Variants in PCDHGA3 observed in about 807,000 individuals in gnomAD.
PCDHGA3 encodes protocadherin gamma subfamily A, 3, also known as protocadherin gamma-A3.
Under a neutral mutation model 58.5 loss-of-function variants are expected in PCDHGA3, and 40 were observed. The observed-to-expected ratio is 0.68, with a 90% CI of 0.53 to 0.89. The LOEUF (loss-of-function observed/expected upper bound fraction) is 0.89. Ranked by LOEUF, PCDHGA3 falls within the 40% of genes least tolerant of loss-of-function variation. PCDHGA3 has a pLI of 0.00. For missense variants in PCDHGA3, 1,223 were observed against 1,195.9 expected (o/e 1.02, Z -0.33); for synonymous variants, 530 against 525.7 (o/e 1.01, Z -0.11).
At chr5:141,403,319 G>A (rs776881134) in intron 1 of PCDHGA3, 2 of 1,613,954 alleles carry the variant, frequency 1.2e-6, no homozygotes, top group East Asian at 2.2e-5. Flanking sequence ...AGAAATAGAA[G>A]TAACTGATAT....
intron 1 of PCDHGA3, chr5:141,422,354 A>G: frequency 6.4e-7 from 1 of 1,557,090 alleles, no homozygotes; most frequent in Non-Finnish European, 8.6e-7. Flanking sequence ...CAAGATCAAG[A>G]TTCTGGAGAA....
At chr5:141,397,027 G>A (rs1374788251) in intron 1 of PCDHGA3, among the ~76,000 whole-genome samples, 1 of 152,200 alleles carries the variant, frequency 6.6e-6, no homozygotes, top group Non-Finnish European at 1.5e-5. Flanking sequence ...GTTGACCAAT[G>A]TCCACAAATT....
Position 141,490,611 on chromosome 5 carries a change from G to GCTTTA in PCDHGA3, c.2425-4194_2425-4190dup. On this transcript the variant is annotated intron_variant, in intron 1 of 3. Coordinates refer to ENST00000253812, the MANE Select transcript of PCDHGA3 (RefSeq NM_018916.4). The surrounding 1 kb of genome is among the most constrained non-coding windows in gnomAD (Gnocchi z 5.4). The stretch of plus-strand genomic sequence containing the variant: ...ACAATGCACCCCGCTTCAACCAGCA[G>GCTTTA]CTTTACACTGCTTACATCCTAGAAA... 6.2e-7 allele frequency: 1 copy of GCTTTA among 1,614,170 alleles called. No individual in the cohort carries two copies. Among genetic ancestry groups the GCTTTA allele is most frequent in the Non-Finnish European group, 8.5e-7 (1 of 1,180,036 alleles).
intron 1 of PCDHGA3, among the ~76,000 whole-genome samples, chr5:141,460,983 G>GTGTGTGTA (rs1554142949): frequency 2.2e-5 from 3 of 137,844 alleles, no homozygotes; most frequent in African/African-American, 7.7e-5. Flanking sequence ...GTGTGTGTGT[G>GTGTGTGTA]TATATATATA....
At chr5:141,433,398 T>TCTAC (rs1487149690) in intron 1 of PCDHGA3, among the ~76,000 whole-genome samples, 2 of 151,396 alleles carry the variant, frequency 1.3e-5, no homozygotes, top group Non-Finnish European at 2.9e-5. Context: ...TATCTATCTA[T>TCTAC]CTATCTATTA....
intron 1 of PCDHGA3, chr5:141,372,535 G>T (rs1257455687): frequency 1.9e-6 from 3 of 1,613,808 alleles, no homozygotes; most frequent in East Asian, 2.2e-5. Flanking sequence ...ATCTCCCTGC[G>T]CCTGCGATGC....
chr5:141,474,403 C>G (rs553745731), intron 1 of PCDHGA3, among the ~76,000 whole-genome samples: 6 of 152,166 alleles, frequency 3.9e-5, no homozygotes, highest in Non-Finnish European at 5.9e-5. Context: ...ACAAGCTCCC[C>G]GGTGATGCCT....
intron 1 of PCDHGA3, chr5:141,403,028 G>A (rs1396801327): frequency 6.2e-7 from 1 of 1,614,074 alleles, no homozygotes; most frequent in Admixed American, 1.7e-5. Context: ...GCTATGGGAG[G>A]CCAGGGCCAG....
intron 1 of PCDHGA3, chr5:141,419,829 C>G (rs748734266): frequency 6.2e-7 from 1 of 1,614,072 alleles, no homozygotes; most frequent in Admixed American, 1.7e-5. Flanking sequence ...CTTTCAGCCA[C>G]TGCCACGCTG....
At chr5:141,351,213 A>G in intron 1 of PCDHGA3, 1 of 1,614,080 alleles carries the variant, frequency 6.2e-7, no homozygotes, top group Non-Finnish European at 8.5e-7. Flanking sequence ...GTGGAAGCTA[A>G]GGATGGAGGA....
intron 1 of PCDHGA3, among the ~76,000 whole-genome samples, chr5:141,407,218 G>A (rs1056826116): frequency 1.3e-5 from 2 of 152,108 alleles, no homozygotes; most frequent in Admixed American, 6.5e-5. Flanking sequence ...CCTTAAGTGG[G>A]TAGCAAAAAA....
chr5:141,486,522 A>G lies in PCDHGA3; in HGVS notation c.2425-8285A>G. 1 of 1,614,174 alleles carries G rather than the reference A, an allele frequency of 6.2e-7. No homozygotes were observed. Among genetic ancestry groups the G allele is most frequent in the Non-Finnish European group, 8.5e-7 (1 of 1,180,024 alleles). On this transcript the variant is annotated intron_variant, in intron 1 of 3. Transcript: ENST00000253812. The surrounding 1 kb of genome is among the most constrained non-coding windows in gnomAD (Gnocchi z 5.0). The stretch of plus-strand genomic sequence containing the variant: ...TTCCTCAATATTTCAGATGTGAATG[A>G]TAATCCACCCTCTTTCTTTCAGAGG...
chr5:141,369,045 A>G (rs1239688019), intron 1 of PCDHGA3, among the ~76,000 whole-genome samples: 2 of 152,192 alleles, frequency 1.3e-5, no homozygotes, highest in East Asian at 1.9e-4. Flanking sequence ...TAGAGTAACA[A>G]TACATTATGT....
intron 1 of PCDHGA3, among the ~76,000 whole-genome samples, chr5:141,466,863 C>A (rs1409042461): frequency 1.3e-5 from 2 of 152,070 alleles, no homozygotes; most frequent in African/African-American, 4.8e-5. Context: ...ATTTTGAAAT[C>A]CACACATTTT....
At position 141,487,194 on chromosome 5, in the gene PCDHGA3, C is replaced by T. The variant is rs148502966; in HGVS notation, c.2425-7613C>T. 2 of 1,613,868 alleles carry T rather than the reference C, an allele frequency of 1.2e-6. No homozygotes were observed. The highest frequency in any genetic ancestry group is 1.3e-5 in the African/African-American group (1 of 75,030). On this transcript the variant is annotated intron_variant, in intron 1 of 3. Coordinates refer to ENST00000253812, the MANE Select transcript of PCDHGA3 (RefSeq NM_018916.4). The surrounding 1 kb of genome is among the most constrained non-coding windows in gnomAD (Gnocchi z 5.0). ...GAGGAAGACACTCATCCAGTTGTCC[C>T]AGATCTTCGAGAATCTTCAGCTCCA... is the stretch of plus-strand genomic sequence containing the variant.
Position 141,477,934 on chromosome 5 carries a change from C to T in PCDHGA3, c.2425-16873C>T. Reference sequence around the variant, plus strand: ...CGGATGCAGGGCACAATGCCTGGCTCTCCTACAGTCTCTTGGGATCCCCTA... The same window carrying T: ...CGGATGCAGGGCACAATGCCTGGCTTTCCTACAGTCTCTTGGGATCCCCTA... On this transcript the variant is annotated intron_variant, in intron 1 of 3. Coordinates refer to ENST00000253812, the MANE Select transcript of PCDHGA3 (RefSeq NM_018916.4). This position sits in a 1 kb window ranked among gnomAD's most constrained non-coding sequence, Gnocchi z 4.9. 3.1e-6 allele frequency: 5 copies of T among 1,614,204 alleles called. No individual in the cohort carries two copies. The highest frequency in any genetic ancestry group is 4.2e-6 in the Non-Finnish European group (5 of 1,180,036).
In PCDHGA3 at chr5:141,490,309, A is replaced by G. The variant is rs1485303337; in HGVS notation, c.2425-4498A>G. On this transcript the variant is annotated intron_variant, in intron 1 of 3. Transcript: ENST00000253812. The surrounding 1 kb of genome is among the most constrained non-coding windows in gnomAD (Gnocchi z 5.4). ...AGAGGTGCTATTGGCCTCTTTGGCCAACCCTGTCCTAGAGAGCACACCAGT... is the reference window on the plus strand; with the variant it reads ...AGAGGTGCTATTGGCCTCTTTGGCCGACCCTGTCCTAGAGAGCACACCAGT... The G allele has an allele frequency of 2.8e-5, 46 of 1,614,126 alleles. No homozygotes were observed. Among genetic ancestry groups the G allele is most frequent in the Non-Finnish European group, 3.8e-5 (45 of 1,180,056 alleles).
chr5:141,390,746 T>C (rs1391007986), intron 1 of PCDHGA3: 1 of 172,782 alleles, frequency 5.8e-6, no homozygotes, highest in African/African-American at 2.4e-5. Context: ...TCCATAGTAG[T>C]CCACTGTTTT....
chr5:141,476,733 G>C lies in PCDHGA3; in HGVS notation c.2425-18074G>C, dbSNP rs373439335. On this transcript the variant is annotated intron_variant, in intron 1 of 3. Transcript: ENST00000253812. This position sits in a 1 kb window ranked among gnomAD's most constrained non-coding sequence, Gnocchi z 7.6. ...TTGGAGCGCGCCCTGGACCGAGAAC[G>C]GGAGCCTAGTCTCCAGTTAGTGCTG... 6.2e-6 allele frequency: 10 copies of C among 1,614,062 alleles called. No individual in the cohort carries two copies. The highest frequency in any genetic ancestry group is 2.2e-5 in the East Asian group (1 of 44,870).
Sources: allele counts gnomAD v4.1 joint callset (sites outside exome capture counted in the v4.1 genomes callset), GRCh38; gene constraint gnomAD v4.1.1; non-coding constraint Gnocchi (gnomAD v3.1); transcripts MANE v1.5; gene names NCBI Gene and HGNC (gene_info 2026-07-23, HGNC 2026-07-21).